Variants in KCNQ1 observed in about 807,000 individuals in gnomAD.
KCNQ1 encodes the protein potassium voltage-gated channel subfamily KQT member 1.
In KCNQ1, 49 loss-of-function variants were observed where a neutral mutation model predicts 72.4. The ratio of observed to expected loss-of-function variants is 0.68; its 90% CI spans 0.54 to 0.86. The LOEUF (loss-of-function observed/expected upper bound fraction) is 0.86, where lower values mean the gene tolerates loss of function less well. KCNQ1 is among the 40% of genes least tolerant of loss of function. The pLI is 0.00. For synonymous variants in KCNQ1, 450 were observed against 412.6 expected, an observed-to-expected ratio of 1.09 and a Z score of -1.10; for missense variants, 790 against 945.1, an observed-to-expected ratio of 0.84 and a Z score of 2.15.
chr11:2,630,767 T>A (rs1849339660), intron 10 of KCNQ1: 1 of 398,328 alleles, frequency 2.5e-6, no homozygotes, highest in Non-Finnish European at 4.4e-6. Context: ...AAGGCAAGAG[T>A]AGTTGCTGAT....
At chr11:2,506,185 C>T (rs1847102039) in intron 1 of KCNQ1, among the ~76,000 whole-genome samples, 1 of 152,146 alleles carries the variant, frequency 6.6e-6, no homozygotes, top group Non-Finnish European at 1.5e-5. Context: ...CCTATGTGTT[C>T]CTATTGCTTT....
intron 11 of KCNQ1, among the ~76,000 whole-genome samples, chr11:2,743,074 G>A (rs1417750259): frequency 1.3e-5 from 2 of 152,192 alleles, no homozygotes; most frequent in Non-Finnish European, 2.9e-5. Context: ...GAGGACAGCC[G>A]GCCTGAGCAG....
rs893683489 is a variant in KCNQ1 at position 2,498,882 on chromosome 11, G to A, written c.387-29046G>A. Among the ~76,000 whole-genome samples the A allele has an allele frequency of 1.1e-4, 16 of 152,210 alleles. No homozygotes were observed. Among genetic ancestry groups the A allele is most frequent in the East Asian group, 1.9e-4 (1 of 5,192 alleles). ...ATGGGAAAAGCATAGTATCCAGGCCGGGTATCACAGTCCCGGGTATCACAG... is the reference window on the plus strand; with the variant it reads ...ATGGGAAAAGCATAGTATCCAGGCCAGGTATCACAGTCCCGGGTATCACAG... On this transcript the variant is annotated intron_variant, in intron 1 of 15. Transcript: ENST00000155840. The surrounding 1 kb of genome is among the most constrained non-coding windows in gnomAD (Gnocchi z 4.8).
Position 2,848,598 on chromosome 11 carries a change from C to T in KCNQ1, c.*595C>T. On this transcript the variant is annotated 3_prime_UTR_variant, in exon 16 of 16. Coordinates refer to ENST00000155840, the MANE Select transcript of KCNQ1 (RefSeq NM_000218.3). ...GAGACTGCTCCTGAGCCCCCAGCTT[C>T]CAGCAGGAGGGACAGTCTCACCATT... 1 of 453,806 alleles carries T rather than the reference C, an allele frequency of 2.2e-6. No homozygotes were observed. The highest frequency in any genetic ancestry group is 4.4e-6 in the Non-Finnish European group (1 of 226,516). 28.1% of individuals were successfully genotyped at this position (453,806 alleles called of 1,614,324 possible). A position where few individuals can be genotyped will look rare whatever the true frequency, so the allele number is the denominator to read the frequency against.
At chr11:2,517,035 G>A (rs1847299558) in intron 1 of KCNQ1, among the ~76,000 whole-genome samples, 1 of 152,188 alleles carries the variant, frequency 6.6e-6, no homozygotes, top group African/African-American at 2.4e-5. Context: ...TCACCCCCCA[G>A]GCTGCTCCTG....
At position 2,682,637 on chromosome 11, in the gene KCNQ1, C is replaced by A; in HGVS notation, c.1514+20556C>A. On this transcript the variant is annotated intron_variant, in intron 11 of 15. Transcript: ENST00000155840. This position sits in a 1 kb window ranked among gnomAD's most constrained non-coding sequence, Gnocchi z 5.8. ...AGAGCTCTTCTTCAGGCTCAGTCAT[C>A]CCTGCTTCCCCAGGGCTCATGTCCA... 2 of 398,632 alleles carry A rather than the reference C, an allele frequency of 5.0e-6. No individual in the cohort carries two copies. Among genetic ancestry groups the A allele is most frequent in the Non-Finnish European group, 8.8e-6 (2 of 226,082 alleles). The allele number at this position is 398,632 out of a possible 1,614,324, so 24.7% of individuals were successfully genotyped here. A position where few individuals can be genotyped will look rare whatever the true frequency, so the allele number is the denominator to read the frequency against.
In KCNQ1 at chr11:2,612,755, G is replaced by A. The variant is rs1006885280; in HGVS notation, c.1393+23901G>A. 27 of 398,298 alleles carry A rather than the reference G, an allele frequency of 6.8e-5. No individual in the cohort carries two copies. Among genetic ancestry groups the A allele is most frequent in the Non-Finnish European group, 1.2e-4 (26 of 226,016 alleles). The allele number at this position is 398,298 out of a possible 1,614,324, so 24.7% of individuals were successfully genotyped here. A position where few individuals can be genotyped will look rare whatever the true frequency, so the allele number is the denominator to read the frequency against. ...CCTTCAGAGATAATTCCTATTTATT[G>A]CTCATTATTCTTGTTCAAGGGTCAC... On this transcript the variant is annotated intron_variant, in intron 10 of 15. Transcript: ENST00000155840. The surrounding 1 kb of genome is among the most constrained non-coding windows in gnomAD (Gnocchi z 5.5).
At chr11:2,727,599 A>G (rs1845787884) in intron 11 of KCNQ1, among the ~76,000 whole-genome samples, 1 of 152,158 alleles carries the variant, frequency 6.6e-6, no homozygotes, top group African/African-American at 2.4e-5. Flanking sequence ...GACACCCCGG[A>G]TCCGCTCTCC....
At position 2,652,510 on chromosome 11, in the gene KCNQ1, C is replaced by T. The variant is rs1849772850; in HGVS notation, c.1394-9451C>T. The T allele has an allele frequency of 2.5e-6, 1 of 398,598 alleles. No homozygotes were observed. The highest frequency in any genetic ancestry group is 4.4e-6 in the Non-Finnish European group (1 of 226,058). The allele number at this position is 398,598 out of a possible 1,614,324, so 24.7% of individuals were successfully genotyped here. A position where few individuals can be genotyped will look rare whatever the true frequency, so the allele number is the denominator to read the frequency against. On this transcript the variant is annotated intron_variant, in intron 10 of 15. Transcript: ENST00000155840. This position sits in a 1 kb window ranked among gnomAD's most constrained non-coding sequence, Gnocchi z 5.9. The stretch of plus-strand genomic sequence containing the variant: ...CTCTCCAGAGGTTTCTGGGGAATGT[C>T]CTGTGAGCTCAACTCTTGGAGAAGA...
Position 2,462,463 on chromosome 11 carries a change from C to A in KCNQ1, c.386+16979C>A, listed in dbSNP as rs904048829. ...AATGCACCATCTCTTCCTGGCATGA[C>A]GGGAACCACCTGTGACATTGCCACC... On this transcript the variant is annotated intron_variant, in intron 1 of 15. Transcript: ENST00000155840. The surrounding 1 kb of genome is among the most constrained non-coding windows in gnomAD (Gnocchi z 8.2). Among the ~76,000 whole-genome samples, 16 of 152,320 alleles carry A rather than the reference C, an allele frequency of 1.1e-4. No homozygotes were observed. The highest frequency in any genetic ancestry group is 3.8e-4 in the African/African-American group (16 of 41,576).
chr11:2,643,509 CTT>C (rs911843843), intron 10 of KCNQ1: 3 of 398,316 alleles, frequency 7.5e-6, no homozygotes, highest in African/African-American at 6.2e-5. Flanking sequence ...CATGTAATAT[CTT>C]TTCCCATTCC....
rs72850281 is a variant in KCNQ1, at chr11:2,695,790, C to G, written c.1514+33709C>G. The G allele has an allele frequency of 0.015, 6,004 of 398,620 alleles. 70 individuals are homozygous for G. Among genetic ancestry groups the G allele is most frequent in the Non-Finnish European group, 0.022 (4,964 of 226,064 alleles). 24.7% of individuals were successfully genotyped at this position (398,620 alleles called of 1,614,324 possible). ...CCTTATCCTACTTTCTAATGCTTCTCCTATGAAGAATAGCTGTTGCTTTCA... is the reference window on the plus strand; with the variant it reads ...CCTTATCCTACTTTCTAATGCTTCTGCTATGAAGAATAGCTGTTGCTTTCA... On this transcript the variant is annotated intron_variant, in intron 11 of 15. Coordinates refer to ENST00000155840, the MANE Select transcript of KCNQ1 (RefSeq NM_000218.3). This position sits in a 1 kb window ranked among gnomAD's most constrained non-coding sequence, Gnocchi z 5.2.
chr11:2,803,161 C>CT lies in KCNQ1; in HGVS notation c.1794+25124_1794+25125insT, dbSNP rs1554925303. Among the ~76,000 whole-genome samples, 5 of 150,804 alleles carry CT rather than the reference C, an allele frequency of 3.3e-5. No homozygotes were observed. Among genetic ancestry groups the CT allele is most frequent in the Admixed American group, 1.3e-4 (2 of 15,272 alleles). ...CCCAGAAAACCCAGCCGGGCCCCCCCCCCCACGGGCACCCAGGAACCGCCC... is the reference window on the plus strand; with the variant it reads ...CCCAGAAAACCCAGCCGGGCCCCCCCTCCCCACGGGCACCCAGGAACCGCCC... On this transcript the variant is annotated intron_variant, in intron 15 of 15. Transcript: ENST00000155840. This position sits in a 1 kb window ranked among gnomAD's most constrained non-coding sequence, Gnocchi z 6.4.
chr11:2,670,049 A>C lies in KCNQ1; in HGVS notation c.1514+7968A>C, dbSNP rs966758675. The stretch of plus-strand genomic sequence containing the variant: ...AGGTACAGGCGGAAACCTAGCACTC[A>C]CTATTCTGCTCTGGGGAGGGGGTTG... On this transcript the variant is annotated intron_variant, in intron 11 of 15. Transcript: ENST00000155840. This position sits in a 1 kb window ranked among gnomAD's most constrained non-coding sequence, Gnocchi z 4.9. 3.5e-5 allele frequency: 14 copies of C among 398,502 alleles called. No homozygotes were observed. Among genetic ancestry groups the C allele is most frequent in the Admixed American group, 4.4e-5 (1 of 22,712 alleles). 24.7% of individuals were successfully genotyped at this position (398,502 alleles called of 1,614,324 possible).
At chr11:2,629,050 T>C (rs1849309114) in intron 10 of KCNQ1, 1 of 398,356 alleles carries the variant, frequency 2.5e-6, no homozygotes, top group Non-Finnish European at 4.4e-6. Flanking sequence ...TTCTTATTGC[T>C]CAAGTATGCT....
In KCNQ1 at chr11:2,651,790, C is replaced by T. The variant is rs1473098914; in HGVS notation, c.1394-10171C>T. 4 of 398,506 alleles carry T rather than the reference C, an allele frequency of 1.0e-5. No individual in the cohort carries two copies. The highest frequency in any genetic ancestry group is 1.3e-5 in the Non-Finnish European group (3 of 226,104). The allele number at this position is 398,506 out of a possible 1,614,324, so 24.7% of individuals were successfully genotyped here. On this transcript the variant is annotated intron_variant, in intron 10 of 15. Transcript: ENST00000155840. This position sits in a 1 kb window ranked among gnomAD's most constrained non-coding sequence, Gnocchi z 6.1. ...TGTTGACCATTTTGATTCCTGGGCC[C>T]CTTAAGAGTCCATTAGCATTGGAAT...
At chr11:2,714,478 C>T (rs1851056159) in intron 11 of KCNQ1, among the ~76,000 whole-genome samples, 1 of 152,218 alleles carries the variant, frequency 6.6e-6, no homozygotes, top group African/African-American at 2.4e-5. Flanking sequence ...CTCTGCTTCC[C>T]CTGTGCACTT....
chr11:2,447,498 G>A lies in KCNQ1; in HGVS notation c.386+2014G>A, dbSNP rs1051398937. Among the ~76,000 whole-genome samples the A allele has an allele frequency of 2.0e-4, 30 of 152,100 alleles. No homozygotes were observed. Among genetic ancestry groups the A allele is most frequent in the African/African-American group, 6.8e-4 (28 of 41,424 alleles). ...TGGACCCTGACTGGGCAGGACATGT[G>A]GCTTGGTGGGGGCCTGGGAGATGCG... On this transcript the variant is annotated intron_variant, in intron 1 of 15. Coordinates refer to ENST00000155840, the MANE Select transcript of KCNQ1 (RefSeq NM_000218.3). This position sits in a 1 kb window ranked among gnomAD's most constrained non-coding sequence, Gnocchi z 7.6.
intron 1 of KCNQ1, among the ~76,000 whole-genome samples, chr11:2,470,273 GGCT>G (rs1250155608): frequency 6.6e-6 from 1 of 152,152 alleles, no homozygotes; most frequent in Non-Finnish European, 1.5e-5. Flanking sequence ...AAGCATCTGT[GGCT>G]GCTTTTTCCA....
Sources: gnomAD v4.1 joint callset for allele counts (sites outside exome capture counted in the v4.1 genomes callset) on GRCh38, gnomAD v4.1.1 for gene constraint, Gnocchi (gnomAD v3.1) non-coding constraint, MANE v1.5 for transcripts, NCBI Gene and HGNC (gene_info 2026-07-23, HGNC 2026-07-21) for gene names.